PLD3: variants seen among roughly 807,000 people sequenced by gnomAD.
PLD3 encodes phospholipase D family member 3, also known as 5'-3' exonuclease PLD3.
Under a neutral mutation model 58.4 loss-of-function variants are expected in PLD3, and 31 were observed. The ratio of observed to expected loss-of-function variants is 0.53; its 90% CI spans 0.40 to 0.72. The LOEUF is 0.72. Ranked by LOEUF, PLD3 falls within the 30% of genes least tolerant of loss-of-function variation. The pLI is 0.00. For missense variants in PLD3, 595 were observed against 659.8 expected (o/e 0.90, Z 1.08); for synonymous variants, 264 against 273.4 (o/e 0.97, Z 0.34).
In PLD3 at chr19:40,377,838, G is replaced by A. The variant is rs763290183; in HGVS notation, c.1238G>A (p.Arg413His). The change falls in exon 12 of 13, where the codon CGT becomes CAT. Residue 413 changes from arginine to histidine, a missense_variant. Arg to His is a conservative substitution (Grantham distance 29). Transcript: ENST00000409735. ...GCCCAGGCTCGAATCCCATATGCCC[G>A]TGTCAACCACAACAAGTACATGGTG... ...DEAQARIPYA[R>H]VNHNKYMVTE... 4.3e-5 allele frequency: 70 copies of A among 1,613,818 alleles called. No individual in the cohort carries two copies. The highest frequency in any genetic ancestry group is 2.3e-4 in the Admixed American group (14 of 59,988).
At chr19:40,364,258 G>C (rs1184749098) in intron 1 of PLD3, among the ~76,000 whole-genome samples, 1 of 152,120 alleles carries the variant, frequency 6.6e-6, no homozygotes, top group Admixed American at 6.5e-5. Context: ...GGAGGCTGAG[G>C]CAGGAGAATC....
chr19:40,371,196 C>T (rs1022959129), intron 8 of PLD3, among the ~76,000 whole-genome samples: 10 of 152,174 alleles, frequency 6.6e-5, no homozygotes. Flanking sequence ...GATAGTTCCC[C>T]TAACCTTTAA....
intron 6 of PLD3, among the ~76,000 whole-genome samples, chr19:40,369,135 T>A (rs554740459): frequency 3.8e-4 from 58 of 151,168 alleles, no homozygotes; most frequent in East Asian, 1.9e-3. Context: ...TAAAAAAAAA[T>A]TTTTTTATGT....
intron 8 of PLD3, chr19:40,371,412 A>G (rs1397536331): frequency 2.1e-6 from 1 of 476,332 alleles, no homozygotes; most frequent in East Asian, 3.5e-5. Flanking sequence ...ATGTCAGCCT[A>G]GACCTAAGAA....
At position 40,376,653 on chromosome 19, in the gene PLD3, A is replaced by G. The variant is rs779459054; in HGVS notation, c.1064A>G (p.Glu355Gly). ...GATGGGCTGCGGCGGGCCACCTACG[A>G]GCGTGGCGTCAAGGTGCGCCTGCTC... ...IDDGLRRATY[E>G]RGVKVRLLIS... The change falls in exon 11 of 13, where the codon GAG (glutamate) becomes GGG (glycine). Residue 355 changes from glutamate to glycine, a missense_variant. Physicochemically the swap from Glu to Gly is moderately conservative, Grantham distance 98. Transcript: ENST00000409735. 1.9e-6 allele frequency: 3 copies of G among 1,607,636 alleles called. No homozygotes were observed. Among genetic ancestry groups the G allele is most frequent in the Admixed American group, 3.3e-5 (2 of 60,022 alleles).
intron 6 of PLD3, 68 bp from the exon 7 acceptor site, chr19:40,369,840 C>G: frequency 7.1e-7 from 1 of 1,415,450 alleles, no homozygotes; most frequent in Non-Finnish European, 9.4e-7. Context: ...ATAACTCCAC[C>G]GGGCATTACC....
chr19:40,361,354 G>A (rs866392570), intron 1 of PLD3, among the ~76,000 whole-genome samples: 6 of 151,808 alleles, frequency 4.0e-5, no homozygotes, highest in Non-Finnish European at 2.9e-5. Flanking sequence ...CAGGTGATCC[G>A]CCCACCTTGG....
rs1013594967 is a variant in PLD3 at position 40,372,630 on chromosome 19, T to G, written c.879+757T>G. ...GCAACATAGGGAGACATCATTTCTT[T>G]CTATTTTTTTTTTTTTTTTGGTCTT... is the stretch of plus-strand genomic sequence containing the variant. On this transcript the variant is annotated intron_variant, in intron 9 of 12. Coordinates refer to ENST00000409735, the MANE Select transcript of PLD3 (RefSeq NM_012268.4). Among the ~76,000 whole-genome samples, 5 of 94,102 alleles carry G rather than the reference T, an allele frequency of 5.3e-5. No homozygotes were observed. In the Admixed American group the frequency reaches 7.7e-4, roughly 14 times the overall value. The allele number at this position is 94,102 out of a possible 152,430, so 61.7% of individuals were successfully genotyped here.
chr19:40,371,895 C>A, intron 9 of PLD3, 22 bp downstream of exon 9: 1 of 1,587,820 alleles, frequency 6.3e-7, no homozygotes. Flanking sequence ...GCAAGTGGGG[C>A]CTGTCATGTC....
chr19:40,351,565 A>G (rs994188181), intron 1 of PLD3, among the ~76,000 whole-genome samples: 2 of 152,212 alleles, frequency 1.3e-5, no homozygotes, highest in Non-Finnish European at 2.9e-5. Context: ...AGAGAAAGAA[A>G]GAGTGACATG....
At chr19:40,350,089 C>T (rs1311377061) in intron 1 of PLD3, among the ~76,000 whole-genome samples, 1 of 150,986 alleles carries the variant, frequency 6.6e-6, no homozygotes, top group African/African-American at 2.4e-5. Context: ...GGAGAAACCC[C>T]ATCTCTATTA....
intron 1 of PLD3, among the ~76,000 whole-genome samples, chr19:40,350,260 CAAAAA>C (rs763559067): frequency 1.5e-5 from 1 of 68,124 alleles, no homozygotes; most frequent in Non-Finnish European, 2.7e-5. Context: ...GACTCCGTCT[CAAAAA>C]AAAAAAAAAA....
chr19:40,353,915 G>A (rs1340328320), intron 1 of PLD3, among the ~76,000 whole-genome samples: 1 of 151,316 alleles, frequency 6.6e-6, no homozygotes, highest in African/African-American at 2.4e-5. Flanking sequence ...ATTTTTTTGA[G>A]ACAGGGTCTT....
At chr19:40,374,658 G>A in intron 10 of PLD3, 38 bp downstream of exon 10, 1 of 1,612,486 alleles carries the variant, frequency 6.2e-7, no homozygotes. Context: ...CGCTGCAGTT[G>A]GCCAGGAGAC....
chr19:40,353,797 C>G (rs1394006859), intron 1 of PLD3, among the ~76,000 whole-genome samples: 1 of 152,102 alleles, frequency 6.6e-6, no homozygotes, highest in African/African-American at 2.4e-5. Context: ...CCAGGATGGT[C>G]TCAATCTCCT....
At chr19:40,374,777 G>GT in intron 10 of PLD3, 157 bp downstream of exon 10, 1 of 712,664 alleles carries the variant, frequency 1.4e-6, no homozygotes, top group Non-Finnish European at 2.3e-6. Context: ...CCGGAAGAAG[G>GT]TATCTAGGCA....
At chr19:40,351,811 G>T (rs2078522728) in intron 1 of PLD3, among the ~76,000 whole-genome samples, 1 of 152,138 alleles carries the variant, frequency 6.6e-6, no homozygotes, top group Non-Finnish European at 1.5e-5. Flanking sequence ...AGCCGAGGAG[G>T]GATGCGGTCC....
At chr19:40,352,198 G>A (rs879772150) in intron 1 of PLD3, among the ~76,000 whole-genome samples, 88 of 150,688 alleles carry the variant, frequency 5.8e-4, no homozygotes, top group Non-Finnish European at 1.1e-3. Flanking sequence ...GCTTGAACCC[G>A]GGAGGCAGAG....
intron 1 of PLD3, among the ~76,000 whole-genome samples, chr19:40,350,182 T>C (rs2078467349): frequency 7.2e-6 from 1 of 139,748 alleles, no homozygotes; most frequent in Non-Finnish European, 1.5e-5. Context: ...ATCGTTCGAA[T>C]CTGAGAGGCG....
Sources: gnomAD v4.1 joint callset for allele counts (sites outside exome capture counted in the v4.1 genomes callset) on GRCh38, gnomAD v4.1.1 for gene constraint, MANE v1.5 for transcripts, NCBI Gene and HGNC (gene_info 2026-07-23, HGNC 2026-07-21) for gene names.